Variants in EVC2 observed in about 807,000 individuals in gnomAD.
The protein encoded by EVC2 is limbin.
Under a neutral mutation model 149.3 loss-of-function variants are expected in EVC2, and 148 were observed. The observed-to-expected ratio is 0.99, with a 90% CI of 0.87 to 1.14. The LOEUF is 1.14. Ranked by LOEUF, EVC2 falls within the 50% of genes most tolerant of loss-of-function variation. The pLI, the probability that EVC2 is intolerant of heterozygous loss-of-function variation, is 0.00. For synonymous variants in EVC2, 776 were observed against 649.9 expected (o/e 1.19, Z -2.95); for missense variants, 1,854 against 1,627.3 (o/e 1.14, Z -2.40).
At chr4:5,607,896 G>T (rs1326152908) in intron 16 of EVC2, among the ~76,000 whole-genome samples, 2 of 151,870 alleles carry the variant, frequency 1.3e-5, no homozygotes, top group Non-Finnish European at 2.9e-5. Context: ...AGGGATGGGG[G>T]AGAACAGAGA....
At chr4:5,680,568 G>A (rs1004080945) in intron 7 of EVC2, among the ~76,000 whole-genome samples, 1 of 152,132 alleles carries the variant, frequency 6.6e-6, no homozygotes, top group Non-Finnish European at 1.5e-5. Flanking sequence ...CACCGAACCC[G>A]GGGGTGGGTG....
At chr4:5,612,467 G>A (rs1464107584) in intron 16 of EVC2, among the ~76,000 whole-genome samples, 18 of 152,180 alleles carry the variant, frequency 1.2e-4, no homozygotes, top group Admixed American at 6.5e-4. Context: ...TTCAGGATCC[G>A]TAAGGGATTG....
chr4:5,578,573 G>A (rs1181019818), intron 17 of EVC2, among the ~76,000 whole-genome samples: 2 of 152,112 alleles, frequency 1.3e-5, no homozygotes, highest in Non-Finnish European at 2.9e-5. Context: ...CAGCTCTAAC[G>A]CCCCTAGTAA....
At chr4:5,627,100 C>T (rs770803004) in intron 12 of EVC2, among the ~76,000 whole-genome samples, 4 of 152,012 alleles carry the variant, frequency 2.6e-5, no homozygotes, top group Admixed American at 6.6e-5. Flanking sequence ...CCTGGAGTAC[C>T]CTGACGAGTA....
At chr4:5,655,538 T>A (rs1322991940) in intron 9 of EVC2, among the ~76,000 whole-genome samples, 1 of 152,084 alleles carries the variant, frequency 6.6e-6, no homozygotes, top group African/African-American at 2.4e-5. Flanking sequence ...TGACAAGTCT[T>A]AATGGCCCTT....
At position 5,637,872 on chromosome 4, in the gene EVC2, T is replaced by G. The variant is rs1716995805; in HGVS notation, c.1470+2642A>C. On this transcript the variant is annotated intron_variant, in intron 10 of 21. Transcript: ENST00000344408. The surrounding 1 kb of genome is among the most constrained non-coding windows in gnomAD (Gnocchi z 4.4). ...GTTCTGAAATCAGACAGCCTTTCTG[T>G]AAGGGGCCATATTTTAGAGTTTGTC... Among the ~76,000 whole-genome samples the G allele has an allele frequency of 6.6e-6, 1 of 151,936 alleles. No homozygotes were observed. Among genetic ancestry groups the G allele is most frequent in the Non-Finnish European group, 1.5e-5 (1 of 67,980 alleles).
In EVC2 at chr4:5,696,102, G is replaced by C. The variant is rs1721460162; in HGVS notation, c.283+1491C>G. On this transcript the variant is annotated intron_variant, in intron 2 of 21. Transcript: ENST00000344408. This position sits in a 1 kb window ranked among gnomAD's most constrained non-coding sequence, Gnocchi z 4.1. ...TCAGAGCATCGGGAATGTCTGAGTA[G>C]AGCATATGGGTGCAAGTGAGACCGG... Among the ~76,000 whole-genome samples, 4 of 152,142 alleles carry C rather than the reference G, an allele frequency of 2.6e-5. No individual in the cohort carries two copies.
chr4:5,594,253 C>A (rs562736611), intron 16 of EVC2, among the ~76,000 whole-genome samples: 10 of 152,194 alleles, frequency 6.6e-5, no homozygotes, highest in Non-Finnish European at 1.0e-4. Flanking sequence ...GATCTGAGAA[C>A]GGGCAGACTG....
At chr4:5,584,058 C>G (rs1712045537) in intron 17 of EVC2, among the ~76,000 whole-genome samples, 1 of 152,004 alleles carries the variant, frequency 6.6e-6, no homozygotes, top group African/African-American at 2.4e-5. Flanking sequence ...CCTCCCCATA[C>G]TAGGGTTTCA....
chr4:5,584,107 T>C (rs1160619137), intron 17 of EVC2, among the ~76,000 whole-genome samples: 4 of 152,256 alleles, frequency 2.6e-5, no homozygotes, highest in East Asian at 1.9e-4. Flanking sequence ...TAAGTAATTA[T>C]GATAATAATA....
intron 1 of EVC2, among the ~76,000 whole-genome samples, chr4:5,698,685 G>C (rs977899582): frequency 6.6e-6 from 1 of 152,218 alleles, no homozygotes; most frequent in Non-Finnish European, 1.5e-5. Context: ...CTATAGAAAT[G>C]CATGAAGCAT....
rs2151719892 is a variant in EVC2, at chr4:5,677,234, G to A, written c.870+4026C>T. Among the ~76,000 whole-genome samples the A allele has an allele frequency of 6.6e-6, 1 of 152,230 alleles. No homozygotes were observed. Among genetic ancestry groups the A allele is most frequent in the South Asian group, 2.1e-4 (1 of 4,822 alleles). On this transcript the variant is annotated intron_variant, in intron 7 of 21. Transcript: ENST00000344408. The surrounding 1 kb of genome is among the most constrained non-coding windows in gnomAD (Gnocchi z 4.3). The stretch of plus-strand genomic sequence containing the variant: ...GTTATTACTCTCATTTCACAGTTGG[G>A]GAAACTGAGGCCCTCAGAGGTAAGT...
chr4:5,618,445 T>C lies in EVC2; in HGVS notation c.2706+33A>G, dbSNP rs1193625085. ...GCCAGCAGCTGGGAGACGGCCCTGCTTCTGTAATCGGCCACTGACAGGTCC... is the reference window on the plus strand; with the variant it reads ...GCCAGCAGCTGGGAGACGGCCCTGCCTCTGTAATCGGCCACTGACAGGTCC... On this transcript the variant is annotated intron_variant, in intron 15 of 21. Transcript: ENST00000344408. This position sits in a 1 kb window ranked among gnomAD's most constrained non-coding sequence, Gnocchi z 4.4. The C allele has an allele frequency of 2.0e-5, 33 of 1,611,848 alleles. No individual in the cohort carries two copies. The highest frequency in any genetic ancestry group is 2.8e-5 in the Non-Finnish European group (33 of 1,179,684).
chr4:5,565,670 C>G (rs891472630), intron 20 of EVC2, among the ~76,000 whole-genome samples: 1 of 142,748 alleles, frequency 7.0e-6, no homozygotes, highest in Admixed American at 7.0e-5. Context: ...GAGACTCCAT[C>G]TCAAAAAAAA....
intron 7 of EVC2, among the ~76,000 whole-genome samples, chr4:5,680,960 T>C (rs1215041606): frequency 1.3e-5 from 2 of 152,208 alleles, no homozygotes; most frequent in African/African-American, 2.4e-5. Context: ...CTTGACCTAG[T>C]GGCAAACACT....
chr4:5,701,579 T>C (rs1320136745), intron 1 of EVC2, among the ~76,000 whole-genome samples: 1 of 152,202 alleles, frequency 6.6e-6, no homozygotes, highest in African/African-American at 2.4e-5. Flanking sequence ...TCCAGGGCAC[T>C]CTTTCCAGTC....
At chr4:5,598,394 G>T (rs1455052656) in intron 16 of EVC2, among the ~76,000 whole-genome samples, 1 of 150,752 alleles carries the variant, frequency 6.6e-6, no homozygotes, top group Non-Finnish European at 1.5e-5. Flanking sequence ...GAACAGAACA[G>T]AGCCCTCAGA....
In EVC2 at chr4:5,640,564, T is replaced by A; in HGVS notation, c.1420A>T (p.Met474Leu). ...KKMENQYQRE[M>L]MAMEEAEELL... ...TCTTCTGCTTCCTCCATTGCCATCATCTCTCTCTGGTACTGGTTTTCCATC... is the reference window on the plus strand; with the variant it reads ...TCTTCTGCTTCCTCCATTGCCATCAACTCTCTCTGGTACTGGTTTTCCATC... The change falls in exon 10 of 22, where the codon ATG (methionine) becomes TTG (leucine). Residue 474 changes from methionine to leucine, a missense_variant. Transcript: ENST00000344408. The surrounding 1 kb of genome is among the most constrained non-coding windows in gnomAD (Gnocchi z 4.6). 1 of 1,613,804 alleles carries A rather than the reference T, an allele frequency of 6.2e-7. No individual in the cohort carries two copies. Among genetic ancestry groups the A allele is most frequent in the Non-Finnish European group, 8.5e-7 (1 of 1,179,706 alleles).
Position 5,574,640 on chromosome 4 carries a change from C to T in EVC2, c.3360+45G>A, listed in dbSNP as rs768006439. On this transcript the variant is annotated intron_variant, in intron 19 of 21. Transcript: ENST00000344408. ...GGATTCTGAGAAAAAGATGAAGTGA[C>T]GTGCTGGCAAGGGGTGGCCTCAGAC... 8.3e-6 allele frequency: 13 copies of T among 1,561,788 alleles called. No homozygotes were observed. In the South Asian group the frequency reaches 1.3e-4, roughly 16 times the overall value.
Sources: allele counts gnomAD v4.1 joint callset (sites outside exome capture counted in the v4.1 genomes callset), GRCh38; gene constraint gnomAD v4.1.1; non-coding constraint Gnocchi (gnomAD v3.1); transcripts MANE v1.5; gene names NCBI Gene and HGNC (gene_info 2026-07-23, HGNC 2026-07-21).